The following DMD variants were observed in gnomAD, a reference collection of about 807,000 sequenced individuals.
The protein encoded by DMD is mutant dystrophin.
DMD carries 63 observed loss-of-function variants against 330.1 expected under a neutral mutation model. The observed-to-expected ratio is 0.19, with a 90% confidence interval of 0.16 to 0.24. The LOEUF (loss-of-function observed/expected upper bound fraction) is 0.24, where lower values mean the gene tolerates loss of function less well. Among genes scored for constraint, DMD ranks in the 10% least tolerant of loss-of-function variants. The pLI, the probability that DMD is intolerant of heterozygous loss-of-function variation, is 1.00. For synonymous variants in DMD, 1,223 were observed against 959.8 expected (o/e 1.27, Z -5.07); for missense variants, 3,344 against 2,684.1 (o/e 1.25, Z -5.43).
At chrX:31,469,276 A>C (rs968960534) in intron 59 of DMD, among the ~76,000 whole-genome samples, 7 of 111,486 alleles carry the variant, frequency 6.3e-5, no homozygotes, top group African/African-American at 2.0e-4. Flanking sequence ...TGGTCTTTAC[A>C]ATTTGTTATG....
upstream of DMD, among the ~76,000 whole-genome samples, chrX:33,214,050 C>CT (rs5902060): frequency 0.032 from 2,824 of 89,025 alleles, 130 homozygotes; most frequent in African/African-American, 0.11. Context: ...TTGAGATTGG[C>CT]TTTTTTTTTT....
At chrX:31,409,567 C>T (rs1409712133) in intron 60 of DMD, among the ~76,000 whole-genome samples, 3 of 111,943 alleles carry the variant, frequency 2.7e-5, no homozygotes, top group Non-Finnish European at 3.8e-5. Context: ...AAGTGCAATG[C>T]AGATATAAAG....
intron 67 of DMD, among the ~76,000 whole-genome samples, chrX:31,199,008 C>T (rs1015779473): frequency 8.9e-6 from 1 of 111,765 alleles, no homozygotes; most frequent in African/African-American, 3.3e-5. Context: ...ATCTAGTCTC[C>T]GAACTGGTTG....
At chrX:31,849,728 T>C (rs900925578) in intron 48 of DMD, among the ~76,000 whole-genome samples, 4 of 110,751 alleles carry the variant, frequency 3.6e-5, no homozygotes, top group African/African-American at 1.3e-4. Context: ...TATATATTTA[T>C]AAATGAAGGT....
At chrX:32,051,869 C>G (rs1353116954) in intron 44 of DMD, among the ~76,000 whole-genome samples, 4 of 111,039 alleles carry the variant, frequency 3.6e-5, no homozygotes, top group Admixed American at 9.6e-5. Context: ...CAAGCAAACC[C>G]TAAGTGGGAG....
chrX:31,879,606 G>A (rs1467088085), intron 47 of DMD, among the ~76,000 whole-genome samples: 1 of 112,141 alleles, frequency 8.9e-6, no homozygotes, highest in Non-Finnish European at 1.9e-5. Context: ...CATATCTAAA[G>A]CCATCAGTGA....
intron 52 of DMD, among the ~76,000 whole-genome samples, chrX:31,684,692 T>C (rs1335360985): frequency 8.9e-6 from 1 of 112,232 alleles, no homozygotes; most frequent in Admixed American, 9.5e-5. Flanking sequence ...AGTATCCTGA[T>C]ATCCATCTTA....
intron 1 of DMD, among the ~76,000 whole-genome samples, chrX:33,041,053 G>A (rs975470077): frequency 8.9e-6 from 1 of 112,400 alleles, no homozygotes; most frequent in Non-Finnish European, 1.9e-5. Context: ...CTAACAATAA[G>A]CAATAATCAA....
chrX:32,980,176 G>T (rs1204827055), intron 2 of DMD, among the ~76,000 whole-genome samples: 2 of 109,081 alleles, frequency 1.8e-5, no homozygotes, highest in African/African-American at 6.7e-5. Context: ...GACCAGCCTG[G>T]CCAACGTGGT....
At chrX:32,962,874 TTTCA>T (rs1195408791) in intron 2 of DMD, among the ~76,000 whole-genome samples, 2 of 111,339 alleles carry the variant, frequency 1.8e-5, no homozygotes, top group Admixed American at 9.6e-5. Context: ...CCAATGAAGC[TTTCA>T]TACAATACCC....
chrX:33,255,832 A>T (rs951998702), intron 1 of DMD, among the ~76,000 whole-genome samples: 1 of 111,795 alleles, frequency 8.9e-6, no homozygotes, highest in Non-Finnish European at 1.9e-5. Flanking sequence ...AAAATATCAC[A>T]TTCTCTATTA....
rs113773740 is a variant in DMD at position 32,692,933 on chromosome X, A to T, written c.960+4937T>A. Among the ~76,000 whole-genome samples, 350 of 111,893 alleles carry T rather than the reference A, an allele frequency of 3.1e-3. 1 individual carries two copies. The highest frequency in any genetic ancestry group is 0.011 in the African/African-American group (336 of 30,786). ...CTTTATAAAATTAATCTCATTTAACACTCCTAATAACTATATGAGTTAGAA... is the reference window on the plus strand; with the variant it reads ...CTTTATAAAATTAATCTCATTTAACTCTCCTAATAACTATATGAGTTAGAA... On this transcript the variant is annotated intron_variant, in intron 9 of 78. Transcript: ENST00000357033.
At chrX:31,205,892 G>A (rs2148557912) in intron 66 of DMD, among the ~76,000 whole-genome samples, 1 of 112,203 alleles carries the variant, frequency 8.9e-6, no homozygotes, top group South Asian at 3.7e-4. Flanking sequence ...TGAAAAGATT[G>A]CTTATAAGCA....
intron 34 of DMD, among the ~76,000 whole-genome samples, chrX:32,370,727 A>G (rs892469819): frequency 9.0e-6 from 1 of 111,293 alleles, no homozygotes; most frequent in African/African-American, 3.3e-5. Context: ...GAATGAGAGT[A>G]TAACAGACTT....
chrX:31,351,813 A>T (rs1331686359), intron 60 of DMD, among the ~76,000 whole-genome samples: 2 of 109,583 alleles, frequency 1.8e-5, no homozygotes, highest in African/African-American at 3.3e-5. Flanking sequence ...GCTAATGTTT[A>T]TTAAGCAATA....
chrX:31,302,074 C>T (rs189149021), intron 62 of DMD, among the ~76,000 whole-genome samples: 1 of 112,132 alleles, frequency 8.9e-6, no homozygotes, highest in Non-Finnish European at 1.9e-5. Flanking sequence ...ACAGCAGCAA[C>T]AAAACTCAAC....
chrX:31,431,419 C>T (rs775546049), intron 60 of DMD, among the ~76,000 whole-genome samples: 61 of 111,262 alleles, frequency 5.5e-4, no homozygotes, highest in Non-Finnish European at 9.2e-4. Flanking sequence ...TATTTTGAGA[C>T]GGAGTTTCGC....
chrX:31,144,587 C>T (rs1426742395), intron 76 of DMD, among the ~76,000 whole-genome samples: 1 of 112,001 alleles, frequency 8.9e-6, no homozygotes, highest in Non-Finnish European at 1.9e-5. Context: ...CTTTATTCTA[C>T]CCTCATGGAA....
rs2061673013 is a variant in DMD, at chrX:31,412,112, G to T, written c.9084+32369C>A. On this transcript the variant is annotated intron_variant, in intron 60 of 78. Transcript: ENST00000357033. ...GAGGCAGAAGAATCACTTGAACCCG[G>T]GAGGTGGAGGTTACAGTGAGCCGAG... Among the ~76,000 whole-genome samples the T allele has an allele frequency of 2.9e-5, 3 of 104,952 alleles. No homozygotes were observed. In the Admixed American group the frequency reaches 3.1e-4, roughly 11 times the overall value. The allele number at this position is 104,952 out of a possible 115,157, so 91.1% of individuals were successfully genotyped here.
Sources: gnomAD v4.1 joint callset for allele counts (sites outside exome capture counted in the v4.1 genomes callset) on GRCh38, gnomAD v4.1.1 for gene constraint, MANE v1.5 for transcripts, NCBI Gene and HGNC (gene_info 2026-07-23, HGNC 2026-07-21) for gene names.